PAK1: variants seen among roughly 807,000 people sequenced by gnomAD.
The protein encoded by PAK1 is p21 (RAC1) activated kinase 1.
A neutral mutation model predicts 67.4 loss-of-function variants in PAK1; 29 were observed. The observed-to-expected ratio is 0.43, with a 90% CI of 0.32 to 0.59. The LOEUF (loss-of-function observed/expected upper bound fraction) is 0.59, where lower values mean the gene tolerates loss of function less well. PAK1 is among the 20% of genes least tolerant of loss of function. PAK1 has a pLI of 0.07. For synonymous variants in PAK1, 223 were observed against 237.4 expected (o/e 0.94, Z 0.56); for missense variants, 337 against 670.7 (o/e 0.50, Z 5.50).
At chr11:77,486,639 GCA>G in the PAK1 span, among the ~76,000 whole-genome samples, 171 of 152,322 alleles carry the variant, frequency 1.1e-3, 2 homozygotes, top group Middle Eastern at 6.8e-3. Flanking sequence ...GGGAGGGAAA[GCA>G]CAGTGATTGT....
At chr11:77,339,856 C>T (rs576505330) in intron 11 of PAK1, among the ~76,000 whole-genome samples, 12 of 151,648 alleles carry the variant, frequency 7.9e-5, no homozygotes, top group African/African-American at 2.7e-4. Context: ...TGGCAAAAAC[C>T]GCAATTACTT....
At chr11:77,503,368 T>C in the PAK1 span, among the ~76,000 whole-genome samples, 2 of 152,228 alleles carry the variant, frequency 1.3e-5, no homozygotes, top group East Asian at 1.9e-4. Flanking sequence ...CCCCATCCTA[T>C]GCAGCATTAA....
intron 1 of PAK1, among the ~76,000 whole-genome samples, chr11:77,413,403 T>C (rs1263475682): frequency 6.6e-6 from 1 of 152,114 alleles, no homozygotes. Flanking sequence ...CAGCAGAACT[T>C]GGTGGAAAAC....
chr11:77,386,504 G>C (rs1258972562), intron 2 of PAK1, among the ~76,000 whole-genome samples: 1 of 152,114 alleles, frequency 6.6e-6, no homozygotes, highest in Non-Finnish European at 1.5e-5. Context: ...CTGCAACTCA[G>C]CATCACCTAT....
the PAK1 span, among the ~76,000 whole-genome samples, chr11:77,486,160 T>C: frequency 6.6e-6 from 1 of 152,214 alleles, no homozygotes; most frequent in Non-Finnish European, 1.5e-5. Flanking sequence ...TTCCTGTTCC[T>C]TGCAGCCAAG....
At chr11:77,445,667 A>T (rs1271534203) in intron 1 of PAK1, among the ~76,000 whole-genome samples, 1 of 152,224 alleles carries the variant, frequency 6.6e-6, no homozygotes, top group Non-Finnish European at 1.5e-5. Flanking sequence ...ATTCTGTTTC[A>T]CACCGGAGTG....
At chr11:77,491,607 G>A in the PAK1 span, among the ~76,000 whole-genome samples, 1 of 152,174 alleles carries the variant, frequency 6.6e-6, no homozygotes, top group Non-Finnish European at 1.5e-5. Flanking sequence ...TATGCAATCA[G>A]TGTTAAGTTG....
At chr11:77,513,019 A>G in the PAK1 span, among the ~76,000 whole-genome samples, 1 of 152,178 alleles carries the variant, frequency 6.6e-6, no homozygotes, top group Non-Finnish European at 1.5e-5. Flanking sequence ...GCTTGAGCCC[A>G]GGAAGTCATA....
the PAK1 span, among the ~76,000 whole-genome samples, chr11:77,504,831 G>T: frequency 1.3e-5 from 2 of 152,200 alleles, no homozygotes; most frequent in Non-Finnish European, 2.9e-5. Context: ...AAACACTTAT[G>T]AGTGCTCACC....
At chr11:77,332,475 G>A (rs1244404909) in intron 14 of PAK1, among the ~76,000 whole-genome samples, 1 of 150,494 alleles carries the variant, frequency 6.6e-6, no homozygotes, top group Non-Finnish European at 1.5e-5. Context: ...TACAAGCAAA[G>A]CTCAATAGGT....
chr11:77,392,350 G>A lies in PAK1; in HGVS notation c.171C>T (p.Ser57=), dbSNP rs1444890038. 6.3e-7 allele frequency: 1 copy of A among 1,595,090 alleles called. No homozygotes were observed. The highest frequency in any genetic ancestry group is 1.3e-5 in the African/African-American group (1 of 74,356). Residue 57 remains serine, a synonymous_variant, in exon 2 of 15, where the codon TCC becomes TCT. Transcript: ENST00000356341. ...EKKKKDRFYR[S]ILPGDKTNKK... ...CTATACTTTTATCTCCAGGTAAAAT[G>A]GATCGGTAAAATCGGTCCTTCTTTT...
At position 77,383,820 on chromosome 11, in the gene PAK1, A is replaced by G. The variant is rs199658093; in HGVS notation, c.191-3826T>C. The stretch of plus-strand genomic sequence containing the variant: ...GTACAGCCCTTCACCAAGCTCTGCC[A>G]GTCACTGTCTCACTGGCTCATCACC... On this transcript the variant is annotated intron_variant, in intron 2 of 14. Coordinates refer to ENST00000356341, the MANE Select transcript of PAK1 (RefSeq NM_002576.5). Among the ~76,000 whole-genome samples the G allele has an allele frequency of 5.9e-5, 9 of 152,220 alleles. No homozygotes were observed. In the East Asian group the frequency reaches 1.5e-3, roughly 26 times the overall value.
At chr11:77,520,007 C>G in the PAK1 span, among the ~76,000 whole-genome samples, 1,630 of 152,280 alleles carry the variant, frequency 0.011, 96 homozygotes, top group Admixed American at 0.099. Flanking sequence ...CTGTGGCCCC[C>G]CCCTCCGCCC....
chr11:77,337,754 A>G (rs1450965662), intron 11 of PAK1, among the ~76,000 whole-genome samples: 1 of 152,202 alleles, frequency 6.6e-6, no homozygotes, highest in Non-Finnish European at 1.5e-5. Flanking sequence ...GAAAAATGGA[A>G]AGGATCTTAT....
the PAK1 span, among the ~76,000 whole-genome samples, chr11:77,484,250 A>G: frequency 6.6e-6 from 1 of 151,988 alleles, no homozygotes; most frequent in Non-Finnish European, 1.5e-5. Context: ...GAGAAGATGA[A>G]CAGAGATAAG....
At chr11:77,443,866 G>C (rs1956473239) in intron 1 of PAK1, among the ~76,000 whole-genome samples, 1 of 152,200 alleles carries the variant, frequency 6.6e-6, no homozygotes, top group Non-Finnish European at 1.5e-5. Flanking sequence ...CCAAGCAGCT[G>C]TGATATCTTC....
chr11:77,404,646 C>T (rs1953208726), intron 1 of PAK1, among the ~76,000 whole-genome samples: 1 of 152,162 alleles, frequency 6.6e-6, no homozygotes, highest in Admixed American at 6.5e-5. Flanking sequence ...ATGTGCCTCC[C>T]TGTATCTGCA....
chr11:77,521,258 A>G, the PAK1 span, among the ~76,000 whole-genome samples: 2 of 152,068 alleles, frequency 1.3e-5, no homozygotes, highest in East Asian at 3.9e-4. Flanking sequence ...GGCCGGGTGC[A>G]GTGGCTCACA....
chr11:77,332,891 C>T, intron 13 of PAK1, 24 bp from the exon 14 acceptor site: 1 of 1,610,708 alleles, frequency 6.2e-7, no homozygotes, highest in Non-Finnish European at 8.5e-7. Context: ...TGGTGAATCA[C>T]CTTGAGCTCC....
Sources: allele counts gnomAD v4.1 joint callset (sites outside exome capture counted in the v4.1 genomes callset), GRCh38; gene constraint gnomAD v4.1.1; transcripts MANE v1.5; gene names NCBI Gene and HGNC (gene_info 2026-07-23, HGNC 2026-07-21).